MAPK8: variants seen among roughly 807,000 people sequenced by gnomAD.
MAPK8 encodes the protein mitogen-activated protein kinase 8.
MAPK8 carries 13 observed loss-of-function variants against 52.9 expected under a neutral mutation model. The ratio of observed to expected loss-of-function variants is 0.25; its 90% CI spans 0.16 to 0.39. The LOEUF (loss-of-function observed/expected upper bound fraction) is 0.39, where lower values mean the gene tolerates loss of function less well. MAPK8 is among the 10% of genes least tolerant of loss of function. The pLI is 1.00. For synonymous variants in MAPK8, 191 were observed against 169.8 expected, an observed-to-expected ratio of 1.12 and a Z score of -0.97; for missense variants, 300 against 519.2, an observed-to-expected ratio of 0.58 and a Z score of 4.10.
At chr10:48,312,647 G>T (rs1307650688) in intron 1 of MAPK8, among the ~76,000 whole-genome samples, 1 of 152,220 alleles carries the variant, frequency 6.6e-6, no homozygotes, top group Non-Finnish European at 1.5e-5. Context: ...CTGATTTTCA[G>T]ATGCCATTGG....
intron 11 of MAPK8, 41 bp downstream of exon 11, chr10:48,431,311 T>G (rs774483305): frequency 4.4e-6 from 6 of 1,367,652 alleles, no homozygotes; most frequent in Non-Finnish European, 6.2e-6. Context: ...ACAGTTTACT[T>G]CTTGTGTTGT....
chr10:48,426,256 TA>T (rs2043677718), intron 8 of MAPK8, 123 bp from the exon 9 acceptor site: 1 of 891,940 alleles, frequency 1.1e-6, no homozygotes, highest in Non-Finnish European at 1.6e-6. Flanking sequence ...ATCATATGTA[TA>T]AGATAATTTT....
chr10:48,353,179 T>G (rs567269974), intron 1 of MAPK8, among the ~76,000 whole-genome samples: 1 of 152,178 alleles, frequency 6.6e-6, no homozygotes, highest in Admixed American at 6.5e-5. Flanking sequence ...CTAAAATAGA[T>G]GTAATACAAG....
chr10:48,423,487 C>T (rs542535844), intron 6 of MAPK8, among the ~76,000 whole-genome samples: 13 of 152,220 alleles, frequency 8.5e-5, no homozygotes, highest in African/African-American at 1.2e-4. Context: ...CATGATGTTG[C>T]CAAGAAAACA....
At chr10:48,330,334 G>C (rs967350981) in intron 1 of MAPK8, among the ~76,000 whole-genome samples, 1 of 152,242 alleles carries the variant, frequency 6.6e-6, no homozygotes. Context: ...AGATGTTTCA[G>C]GGGTTCTCTG....
chr10:48,358,379 G>A (rs1646594496), intron 1 of MAPK8, among the ~76,000 whole-genome samples: 1 of 152,174 alleles, frequency 6.6e-6, no homozygotes, highest in South Asian at 2.1e-4. Context: ...ATGAAGTGGT[G>A]CCTTATGGTT....
At chr10:48,376,071 CAGAAA>C (rs2040642874) in intron 1 of MAPK8, among the ~76,000 whole-genome samples, 2 of 152,148 alleles carry the variant, frequency 1.3e-5, no homozygotes, top group South Asian at 4.1e-4. Flanking sequence ...ACAGCAGCCT[CAGAAA>C]TAACACCACA....
At chr10:48,343,658 A>G (rs1279815512) in intron 1 of MAPK8, among the ~76,000 whole-genome samples, 1 of 152,166 alleles carries the variant, frequency 6.6e-6, no homozygotes, top group African/African-American at 2.4e-5. Flanking sequence ...AGCCAGATTG[A>G]GAGGTGTTAG....
At chr10:48,342,116 T>A (rs1270040546) in intron 1 of MAPK8, among the ~76,000 whole-genome samples, 1 of 152,234 alleles carries the variant, frequency 6.6e-6, no homozygotes, top group Non-Finnish European at 1.5e-5. Context: ...CATTCATTCA[T>A]TTATTTATTG....
chr10:48,369,141 G>A (rs1651298142), intron 1 of MAPK8, among the ~76,000 whole-genome samples: 1 of 152,146 alleles, frequency 6.6e-6, no homozygotes, highest in Admixed American at 6.6e-5. Context: ...AACTTCAGAA[G>A]ATCATTTTGG....
At chr10:48,339,251 G>A (rs1267715952) in intron 1 of MAPK8, among the ~76,000 whole-genome samples, 3 of 151,948 alleles carry the variant, frequency 2.0e-5, no homozygotes, top group Non-Finnish European at 4.4e-5. Flanking sequence ...TACATCAATG[G>A]AACAAAATAG....
At chr10:48,354,037 C>T (rs1846602284) in intron 1 of MAPK8, among the ~76,000 whole-genome samples, 1 of 152,030 alleles carries the variant, frequency 6.6e-6, no homozygotes, top group Non-Finnish European at 1.5e-5. Flanking sequence ...ATGTCAGTTT[C>T]CTAGTTTTGA....
chr10:48,411,554 C>T (rs557330188), intron 5 of MAPK8, among the ~76,000 whole-genome samples: 2 of 152,136 alleles, frequency 1.3e-5, no homozygotes, highest in Non-Finnish European at 2.9e-5. Flanking sequence ...GGAGAAGTAT[C>T]AATTCTCCAG....
At chr10:48,373,858 C>T (rs1037147147) in intron 1 of MAPK8, among the ~76,000 whole-genome samples, 6 of 151,982 alleles carry the variant, frequency 3.9e-5, no homozygotes, top group African/African-American at 1.4e-4. Flanking sequence ...AAATTAACAA[C>T]GATATCCAGG....
At chr10:48,403,117 TAGAG>T (rs2042243588) in intron 2 of MAPK8, among the ~76,000 whole-genome samples, 1 of 151,994 alleles carries the variant, frequency 6.6e-6, no homozygotes, top group Non-Finnish European at 1.5e-5. Context: ...TCTGAGAAAA[TAGAG>T]AAAAGAAAGG....
chr10:48,430,914 A>C (rs1404482377), intron 10 of MAPK8: 2 of 434,300 alleles, frequency 4.6e-6, no homozygotes, highest in East Asian at 1.0e-4. Context: ...TGGTAGAGTG[A>C]AAAAGAAAGC....
At chr10:48,308,189 G>A (rs1841594880) in intron 1 of MAPK8, 1 of 152,200 alleles carries the variant, frequency 6.6e-6, no homozygotes, top group Non-Finnish European at 1.5e-5. Flanking sequence ...AAGTGAACAT[G>A]TTTAGTGCTG....
At chr10:48,337,147 C>G (rs1005854494) in intron 1 of MAPK8, among the ~76,000 whole-genome samples, 5 of 152,084 alleles carry the variant, frequency 3.3e-5, no homozygotes, top group Non-Finnish European at 5.9e-5. Context: ...GAATACCCTA[C>G]CCAACAACCA....
intron 2 of MAPK8, among the ~76,000 whole-genome samples, chr10:48,403,519 T>C (rs1318610835): frequency 1.3e-5 from 2 of 151,988 alleles, no homozygotes; most frequent in African/African-American, 4.8e-5. Flanking sequence ...ATTTGCATAA[T>C]AGAATGGCAT....
Sources: allele counts gnomAD v4.1 joint callset (sites outside exome capture counted in the v4.1 genomes callset), GRCh38; gene constraint gnomAD v4.1.1; transcripts MANE v1.5; gene names NCBI Gene and HGNC (gene_info 2026-07-23, HGNC 2026-07-21).